MUCL3: variants seen among roughly 807,000 people sequenced by gnomAD.
The protein encoded by MUCL3 is mucin-like protein 3.
In MUCL3, 42 loss-of-function variants were observed where a neutral mutation model predicts 70.2. The observed-to-expected ratio is 0.60, with a 90% CI of 0.47 to 0.77. The LOEUF (loss-of-function observed/expected upper bound fraction) is 0.77. MUCL3 is among the 30% of genes least tolerant of loss of function. The probability of loss-of-function intolerance (pLI) is 0.00; values close to 1 mark genes in which losing one functional copy is unlikely to be tolerated. For missense variants in MUCL3, 1,429 were observed against 1,670.0 expected (o/e 0.86, Z 2.52); for synonymous variants, 522 against 647.0 (o/e 0.81, Z 2.93).
At position 30,948,709 on chromosome 6, in the gene MUCL3, A is replaced by T; in HGVS notation, c.245A>T (p.Glu82Val). The change falls in exon 2 of 3, where the codon GAG becomes GTG. Residue 82 changes from glutamate to valine, a missense_variant. By Grantham distance (121) the Glu-to-Val change is moderately radical. Coordinates refer to ENST00000462446, the MANE Select transcript of MUCL3 (RefSeq NM_080870.4). ...PELPKSTEIH[E>V]QKRHCNTTRH... Reference sequence around the variant, plus strand: ...CTCCCTAAATCTACAGAAATCCATGAGCAAAAACGCCACTGCAACACCACA... The same window carrying T: ...CTCCCTAAATCTACAGAAATCCATGTGCAAAAACGCCACTGCAACACCACA... 6.4e-7 allele frequency: 1 copy of T among 1,551,684 alleles called. No individual in the cohort carries two copies. The highest frequency in any genetic ancestry group is 8.7e-7 in the Non-Finnish European group (1 of 1,146,984).
rs566807233 is a variant in MUCL3 at position 30,951,568 on chromosome 6, T to A, written c.3104T>A (p.Ile1035Lys). The change falls in exon 2 of 3, where the codon ATA becomes AAA. Residue 1035 changes from isoleucine (I) to lysine (K), a missense_variant. Coordinates refer to ENST00000462446, the MANE Select transcript of MUCL3 (RefSeq NM_080870.4). The stretch of plus-strand genomic sequence containing the variant: ...ACACCATCAGCCAATGAGAAGACCA[T>A]ACCATCTCCAGCAAAGCCTACAGAA... ...ERTPSANEKT[I>K]PSPAKPTEHE... The A allele has an allele frequency of 1.3e-6, 2 of 1,511,148 alleles. No homozygotes were observed. Among genetic ancestry groups the A allele is most frequent in the South Asian group, 1.2e-5 (1 of 82,598 alleles). 93.6% of individuals were successfully genotyped at this position (1,511,148 alleles called of 1,614,324 possible).
chr6:30,952,037 A>G lies in MUCL3; in HGVS notation c.3573A>G (p.Ser1191=). 1 of 1,611,910 alleles carries G rather than the reference A, an allele frequency of 6.2e-7. No homozygotes were observed. Among genetic ancestry groups the G allele is most frequent in the South Asian group, 1.1e-5 (1 of 90,994 alleles). Reference sequence around the variant, plus strand: ...CCCCAGAAAAGCCTACGCTATACTCAGAGAAGACCATATGCACCAAAGGGA... The same window carrying G: ...CCCCAGAAAAGCCTACGCTATACTCGGAGAAGACCATATGCACCAAAGGGA... The part of the protein sequence containing the change: ...TRTPEKPTLY[S]EKTICTKGKN... The change falls in exon 2 of 3, where the codon TCA becomes TCG. Residue 1191 remains serine, a synonymous_variant. Coordinates refer to ENST00000462446, the MANE Select transcript of MUCL3 (RefSeq NM_080870.4).
chr6:30,945,435 T>C (rs940528787), intron 1 of MUCL3, among the ~76,000 whole-genome samples: 61 of 147,128 alleles, frequency 4.1e-4, no homozygotes, highest in African/African-American at 1.5e-3. Flanking sequence ...GACCAGAGTT[T>C]GAGACCAGCC....
rs919998069 is a variant in MUCL3, at chr6:30,952,918, T to C, written c.4036-53T>C. 5 of 1,599,548 alleles carry C rather than the reference T, an allele frequency of 3.1e-6. No homozygotes were observed. The African/African-American group carries it at 5.3e-5, about 17-fold the overall frequency. On this transcript the variant is annotated intron_variant, in intron 2 of 2. Coordinates refer to ENST00000462446, the MANE Select transcript of MUCL3 (RefSeq NM_080870.4). Reference sequence around the variant, plus strand: ...GAATCAAGACCTGAGGTGAGTGTTGTGGAAAACAAATCGCAGATGGTTCTC... The same window carrying C: ...GAATCAAGACCTGAGGTGAGTGTTGCGGAAAACAAATCGCAGATGGTTCTC...
At position 30,950,735 on chromosome 6, in the gene MUCL3, A is replaced by G. The variant is rs1239647633; in HGVS notation, c.2271A>G (p.Ala757=). 1 of 1,550,722 alleles carries G rather than the reference A, an allele frequency of 6.4e-7. No individual in the cohort carries two copies. The highest frequency in any genetic ancestry group is 2.5e-5 in the East Asian group (1 of 40,804). The stretch of plus-strand genomic sequence containing the variant: ...ATGAGAACACCACACCATCCCCAGC[A>G]CAGCCTACAGAAAATGGAGACAGGA... ...TANENTTPSP[A]QPTENGDRTP... Residue 757 remains alanine, a synonymous_variant, in exon 2 of 3, where the codon GCA becomes GCG. Coordinates refer to ENST00000462446, the MANE Select transcript of MUCL3 (RefSeq NM_080870.4).
chr6:30,953,417 G>C lies in MUCL3; in HGVS notation c.*300G>C. The C allele has an allele frequency of 2.1e-6, 1 of 485,920 alleles. No homozygotes were observed. Among genetic ancestry groups the C allele is most frequent in the Non-Finnish European group, 3.7e-6 (1 of 270,398 alleles). 30.1% of individuals were successfully genotyped at this position (485,920 alleles called of 1,614,324 possible). The stretch of plus-strand genomic sequence containing the variant: ...GACATGTTGTGGGGGCACCAATGCA[G>C]AACACTGCACTGAGTCCTAAAGGAA... On this transcript the variant is annotated 3_prime_UTR_variant, in exon 3 of 3. Coordinates refer to ENST00000462446, the MANE Select transcript of MUCL3 (RefSeq NM_080870.4).
Position 30,951,646 on chromosome 6 carries a change from A to G in MUCL3, c.3182A>G (p.Lys1061Arg). 1 of 1,551,888 alleles carries G rather than the reference A, an allele frequency of 6.4e-7. No homozygotes were observed. The highest frequency in any genetic ancestry group is 2.4e-5 in the East Asian group (1 of 40,920). ...GAGAACACCACACCATCCCCAGTAA[A>G]GCCTACAGAACATGGAGAAAAGACT... ...ANENTTPSPVKPTEHGEKTTL... is the reference protein window; with the variant it reads ...ANENTTPSPVRPTEHGEKTTL... Residue 1061 changes from lysine (K) to arginine (R), a missense_variant, in exon 2 of 3, where the codon AAG becomes AGG. Lys to Arg is a conservative substitution (Grantham distance 26). Coordinates refer to ENST00000462446, the MANE Select transcript of MUCL3 (RefSeq NM_080870.4).
chr6:30,946,467 T>C (rs1008990770), intron 1 of MUCL3: 4 of 152,244 alleles, frequency 2.6e-5, no homozygotes, highest in African/African-American at 9.7e-5. Flanking sequence ...CCAGCTCCTT[T>C]ATTCACTCAA....
chr6:30,953,274 G>A lies in MUCL3; in HGVS notation c.*157G>A. On this transcript the variant is annotated 3_prime_UTR_variant, in exon 3 of 3. Coordinates refer to ENST00000462446, the MANE Select transcript of MUCL3 (RefSeq NM_080870.4). The stretch of plus-strand genomic sequence containing the variant: ...TTCATCTGTTCTTGAAACTGGTTGG[G>A]GAATGAGGTGATAAGCAAGGAGGGT... 7.0e-6 allele frequency: 8 copies of A among 1,135,820 alleles called. No homozygotes were observed. The highest frequency in any genetic ancestry group is 1.7e-5 in the South Asian group (1 of 60,018). 70.4% of individuals were successfully genotyped at this position (1,135,820 alleles called of 1,614,324 possible). A position where few individuals can be genotyped will look rare whatever the true frequency, so the allele number is the denominator to read the frequency against.
In MUCL3 at chr6:30,951,774, C is replaced by A. The variant is rs754526901; in HGVS notation, c.3310C>A (p.Pro1104Thr). The change falls in exon 2 of 3, where the codon CCT becomes ACT. Residue 1104 changes from proline (P) to threonine (T), a missense_variant. By Grantham distance (38) the Pro-to-Thr change is conservative (BLOSUM62 -1). Transcript: ENST00000462446. ...GAAGATCACACCATCCCTAGCAAAG[C>A]CTACAGAACATGGAGAAAGGACCAC... ...NEKITPSLAK[P>T]TEHGERTTSP... 8.4e-6 allele frequency: 13 copies of A among 1,556,068 alleles called. No individual in the cohort carries two copies. In the African/African-American group the frequency reaches 1.1e-4, roughly 13 times the overall value.
intron 1 of MUCL3, among the ~76,000 whole-genome samples, chr6:30,942,431 C>T (rs1403861179): frequency 6.6e-6 from 1 of 152,154 alleles, no homozygotes; most frequent in Non-Finnish European, 1.5e-5. Flanking sequence ...GGACAGTCAT[C>T]CAAGGACAGA....
rs1760814159 is a variant in MUCL3, at chr6:30,953,403, G to A, written c.*286G>A. 1 of 516,454 alleles carries A rather than the reference G, an allele frequency of 1.9e-6. No homozygotes were observed. Among genetic ancestry groups the A allele is most frequent in the African/African-American group, 1.9e-5 (1 of 52,588 alleles). The allele number at this position is 516,454 out of a possible 1,614,324, so 32.0% of individuals were successfully genotyped here. ...AAAGGTGTTTGATGGACATGTTGTG[G>A]GGGCACCAATGCAGAACACTGCACT... On this transcript the variant is annotated 3_prime_UTR_variant, in exon 3 of 3. Coordinates refer to ENST00000462446, the MANE Select transcript of MUCL3 (RefSeq NM_080870.4).
At position 30,951,356 on chromosome 6, in the gene MUCL3, T is replaced by G. The variant is rs546007479; in HGVS notation, c.2892T>G (p.His964Gln). 7.2e-6 allele frequency: 11 copies of G among 1,530,206 alleles called. No homozygotes were observed. In the African/African-American group the frequency reaches 1.5e-4, roughly 21 times the overall value. 94.8% of individuals were successfully genotyped at this position (1,530,206 alleles called of 1,614,324 possible). A position where few individuals can be genotyped will look rare whatever the true frequency, so the allele number is the denominator to read the frequency against. ...ATPSPAKPTE[H>Q]GETTVNEDTT... ...CATCCCCAGCAAAGCCTACAGAACA[T>G]GGAGAAACGACAGTCAATGAGGACA... Residue 964 changes from histidine to glutamine, a missense_variant, in exon 2 of 3, where the codon CAT becomes CAG. His to Gln is a conservative substitution (Grantham distance 24, BLOSUM62 0). Coordinates refer to ENST00000462446, the MANE Select transcript of MUCL3 (RefSeq NM_080870.4).
chr6:30,950,601 A>G lies in MUCL3; in HGVS notation c.2137A>G (p.Asn713Asp). The change falls in exon 2 of 3, where the codon AAC becomes GAC. Residue 713 changes from asparagine (N) to aspartate (D), a missense_variant. Physicochemically the swap from Asn to Asp is conservative, Grantham distance 23. Coordinates refer to ENST00000462446, the MANE Select transcript of MUCL3 (RefSeq NM_080870.4). Reference protein sequence around the residue: ...HGERTPLANENTTLSPAEPTE... With the variant: ...HGERTPLANEDTTLSPAEPTE... The stretch of plus-strand genomic sequence containing the variant: ...AGAAAGGACCCCACTGGCCAATGAG[A>G]ACACCACACTATCCCCAGCAGAGCC... The G allele has an allele frequency of 6.4e-7, 1 of 1,551,078 alleles. No individual in the cohort carries two copies. The highest frequency in any genetic ancestry group is 8.7e-7 in the Non-Finnish European group (1 of 1,146,794).
chr6:30,949,898 G>A lies in MUCL3; in HGVS notation c.1434G>A (p.Glu478=), dbSNP rs1290079162. ...ANEKTTLSPV[E]PTENRETTAN... is the part of the protein sequence containing the mutation. ...AGAAGACCACACTATCCCCAGTAGA[G>A]CCTACAGAAAATAGAGAAACAACAG... The change falls in exon 2 of 3, where the codon GAG becomes GAA. Residue 478 remains glutamate, a synonymous_variant. Transcript: ENST00000462446. The A allele has an allele frequency of 6.5e-7, 1 of 1,548,222 alleles. No individual in the cohort carries two copies. The highest frequency in any genetic ancestry group is 1.2e-5 in the South Asian group (1 of 83,884).
rs1221961203 is a variant in MUCL3 at position 30,950,463 on chromosome 6, A to G, written c.1999A>G (p.Thr667Ala). 1.3e-6 allele frequency: 2 copies of G among 1,548,818 alleles called. No homozygotes were observed. Among genetic ancestry groups the G allele is most frequent in the African/African-American group, 2.8e-5 (2 of 71,754 alleles). Residue 667 changes from threonine (T) to alanine (A), a missense_variant, in exon 2 of 3, where the codon ACA becomes GCA. Thr to Ala is a moderately conservative substitution (Grantham distance 58, BLOSUM62 0). Coordinates refer to ENST00000462446, the MANE Select transcript of MUCL3 (RefSeq NM_080870.4). ...AGAGCCTACAGAAAATAGAGAAAGG[A>G]CAGCCAATGAGAAGACCACATCATC... ...PAEPTENRER[T>A]ANEKTTSSPA...
chr6:30,949,809 G>A lies in MUCL3; in HGVS notation c.1345G>A (p.Ala449Thr). 1 of 1,549,542 alleles carries A rather than the reference G, an allele frequency of 6.5e-7. No homozygotes were observed. Among genetic ancestry groups the A allele is most frequent in the Non-Finnish European group, 8.7e-7 (1 of 1,146,532 alleles). ...GCCTACAGAAAATAGAGAAAGGACA[G>A]CCAATGAGAACACCACACCATCCCC... ...AEPTENRERT[A>T]NENTTPSPAG... The change falls in exon 2 of 3, where the codon GCC becomes ACC. Residue 449 changes from alanine (A) to threonine (T), a missense_variant. Coordinates refer to ENST00000462446, the MANE Select transcript of MUCL3 (RefSeq NM_080870.4).
Position 30,949,777 on chromosome 6 carries a change from C to T in MUCL3, c.1313C>T (p.Pro438Leu). The T allele has an allele frequency of 6.5e-7, 1 of 1,550,124 alleles. No individual in the cohort carries two copies. Reference protein sequence around the residue: ...PLANENTTPSPAEPTENRERT... With the variant: ...PLANENTTPSLAEPTENRERT... The stretch of plus-strand genomic sequence containing the variant: ...GCCAACGAGAACACCACACCATCCC[C>T]AGCAGAGCCTACAGAAAATAGAGAA... Residue 438 changes from proline to leucine, a missense_variant, in exon 2 of 3, where the codon CCA becomes CTA. Pro to Leu is a moderately conservative substitution (Grantham distance 98, BLOSUM62 -3). Coordinates refer to ENST00000462446, the MANE Select transcript of MUCL3 (RefSeq NM_080870.4).
In MUCL3 at chr6:30,950,676, G is replaced by A; in HGVS notation, c.2212G>A (p.Ala738Thr). 6.5e-7 allele frequency: 1 copy of A among 1,549,728 alleles called. No homozygotes were observed. The highest frequency in any genetic ancestry group is 2.5e-5 in the East Asian group (1 of 40,770). ...CAATGAGAAGACCACACCATTCCCA[G>A]CAGAGCCTACAGAAAATAGAGAAAG... ...TANEKTTPFP[A>T]EPTENRERTA... Residue 738 changes from alanine to threonine, a missense_variant, in exon 2 of 3, where the codon GCA (alanine) becomes ACA (threonine). By Grantham distance (58) the Ala-to-Thr change is moderately conservative. Coordinates refer to ENST00000462446, the MANE Select transcript of MUCL3 (RefSeq NM_080870.4).
Sources: gnomAD v4.1 joint callset for allele counts (sites outside exome capture counted in the v4.1 genomes callset) on GRCh38, gnomAD v4.1.1 for gene constraint, MANE v1.5 for transcripts, NCBI Gene and HGNC (gene_info 2026-07-23, HGNC 2026-07-21) for gene names.